Variants in ACAD11 observed in about 807,000 individuals in gnomAD.
The protein encoded by ACAD11 is acyl-CoA dehydrogenase family member 11.
Under a neutral mutation model 102.2 loss-of-function variants are expected in ACAD11, and 83 were observed. The observed-to-expected ratio is 0.81, with a 90% confidence interval of 0.68 to 0.97. The LOEUF (loss-of-function observed/expected upper bound fraction) is 0.97, where lower values mean the gene tolerates loss of function less well. Ranked by LOEUF, ACAD11 falls within the 50% of genes least tolerant of loss-of-function variation. ACAD11 has a pLI of 0.00. For missense variants in ACAD11, 901 were observed against 951.7 expected (o/e 0.95, Z 0.70); for synonymous variants, 324 against 319.8 (o/e 1.01, Z -0.14).
chr3:132,628,973 T>A (rs1367813623), intron 7 of ACAD11, among the ~76,000 whole-genome samples: 1 of 152,144 alleles, frequency 6.6e-6, no homozygotes, highest in Non-Finnish European at 1.5e-5. Context: ...CATAATAAAC[T>A]CCTTCCTCTT....
At chr3:132,568,184 G>A (rs1937267232) in intron 17 of ACAD11, among the ~76,000 whole-genome samples, 2 of 152,130 alleles carry the variant, frequency 1.3e-5, no homozygotes, top group African/African-American at 4.8e-5. Context: ...CCAAGATCAT[G>A]CAATTACACT....
chr3:132,612,155 G>GA (rs1277095356), intron 11 of ACAD11, among the ~76,000 whole-genome samples: 2 of 151,996 alleles, frequency 1.3e-5, no homozygotes, highest in Non-Finnish European at 2.9e-5. Flanking sequence ...ATGGTGCTGG[G>GA]AAAACTGGCT....
intron 13 of ACAD11, among the ~76,000 whole-genome samples, chr3:132,584,797 G>T (rs1937727684): frequency 1.3e-5 from 2 of 151,992 alleles, no homozygotes; most frequent in South Asian, 4.2e-4. Context: ...GGGACGTGAA[G>T]GACCTATTCA....
intron 13 of ACAD11, among the ~76,000 whole-genome samples, chr3:132,586,194 A>T (rs1027081164): frequency 6.6e-6 from 1 of 152,298 alleles, no homozygotes; most frequent in Admixed American, 6.5e-5. Context: ...CTTTGTAGGG[A>T]CATGGATGAA....
rs116626854 is a variant in ACAD11, at chr3:132,575,547, C to T, written c.2001+225G>A. 3.8e-3 allele frequency among the ~76,000 whole-genome samples: 573 copies of T among 152,296 alleles called. 3 individuals carry two copies. The highest frequency in any genetic ancestry group is 0.013 in the African/African-American group (550 of 41,564). On this transcript the variant is annotated intron_variant, in intron 17 of 19. Coordinates refer to ENST00000264990, the MANE Select transcript of ACAD11 (RefSeq NM_032169.5). ...CTGAGAAAGTTGAAGGAACTGTCTACACTCTTGTGTGCAGAGGTGTTGAAG... is the reference window on the plus strand; with the variant it reads ...CTGAGAAAGTTGAAGGAACTGTCTATACTCTTGTGTGCAGAGGTGTTGAAG...
intron 1 of ACAD11, among the ~76,000 whole-genome samples, chr3:132,651,410 G>A (rs74947843): frequency 0.014 from 2,148 of 152,246 alleles, 51 homozygotes; most frequent in African/African-American, 0.049. Context: ...AGGCCCATCA[G>A]TTCCTTGAAT....
At position 132,567,366 on chromosome 3, in the gene ACAD11, A is replaced by G. The variant is rs1464869326; in HGVS notation, c.2002-6149T>C. ...CTTGACTCAAACTGGTAAAATGATG[A>G]CACCAATAGACTTTAATAAGATCTA... is the stretch of plus-strand genomic sequence containing the variant. On this transcript the variant is annotated intron_variant, in intron 17 of 19. Transcript: ENST00000264990. Among the ~76,000 whole-genome samples, 3 of 152,302 alleles carry G rather than the reference A, an allele frequency of 2.0e-5. No homozygotes were observed. In the East Asian group the frequency reaches 5.8e-4, roughly 29 times the overall value.
Position 132,603,328 on chromosome 3 carries a change from C to T in ACAD11, c.1523-1G>A, listed in dbSNP as rs1313886423. The T allele has an allele frequency of 6.2e-7, 1 of 1,613,014 alleles. No homozygotes were observed. The highest frequency in any genetic ancestry group is 8.5e-7 in the Non-Finnish European group (1 of 1,179,382). On this transcript the variant is annotated splice_acceptor_variant, in intron 12 of 19. Transcript: ENST00000264990. LOFTEE classifies it high-confidence loss of function. ...GCATCACTTGAAGCTACATCAGGTT[C>T]TATAAATAAACAAAAGCTGAATTTA... is the stretch of plus-strand genomic sequence containing the variant.
chr3:132,579,486 A>C lies in ACAD11; in HGVS notation c.1688+6T>G. 6.2e-7 allele frequency: 1 copy of C among 1,610,564 alleles called. No individual in the cohort carries two copies. Among genetic ancestry groups the C allele is most frequent in the Non-Finnish European group, 8.5e-7 (1 of 1,177,494 alleles). On this transcript the variant is annotated splice_donor_region_variant and intron_variant, in intron 14 of 19. Coordinates refer to ENST00000264990, the MANE Select transcript of ACAD11 (RefSeq NM_032169.5). ...ACAGGTTTCTCAATCAGAATTGTTTAATTACCTGGAGAGAGAAGTATTTTG... is the reference window on the plus strand; with the variant it reads ...ACAGGTTTCTCAATCAGAATTGTTTCATTACCTGGAGAGAGAAGTATTTTG...
intron 9 of ACAD11, among the ~76,000 whole-genome samples, chr3:132,620,847 C>T (rs1183687121): frequency 1.3e-5 from 2 of 152,202 alleles, no homozygotes; most frequent in African/African-American, 4.8e-5. Context: ...AATGAACCTG[C>T]ACTTCTGTGT....
intron 1 of ACAD11, among the ~76,000 whole-genome samples, chr3:132,649,202 G>A (rs1172631142): frequency 1.3e-5 from 2 of 152,212 alleles, no homozygotes; most frequent in African/African-American, 4.8e-5. Flanking sequence ...CCGTCCCCCA[G>A]CCCGACACCC....
chr3:132,644,906 AG>A lies in ACAD11; in HGVS notation c.150-11del. On this transcript the variant is annotated splice_polypyrimidine_tract_variant and intron_variant, in intron 1 of 19. Transcript: ENST00000264990. Reference sequence around the variant, plus strand: ...ATTGGACTTTCCTGCTCTAGATAAAAGTAAAAAAAAAAAAGGTCAATTACAA... The same window carrying A: ...ATTGGACTTTCCTGCTCTAGATAAAATAAAAAAAAAAAAGGTCAATTACAA... 1 of 1,542,398 alleles carries A rather than the reference AG, an allele frequency of 6.5e-7. No individual in the cohort carries two copies. The highest frequency in any genetic ancestry group is 8.9e-7 in the Non-Finnish European group (1 of 1,128,792).
At chr3:132,611,462 T>C (rs1025631542) in intron 11 of ACAD11, among the ~76,000 whole-genome samples, 2 of 152,112 alleles carry the variant, frequency 1.3e-5, no homozygotes, top group Admixed American at 6.5e-5. Context: ...CATGAGTATA[T>C]ATCTAGAAAA....
At position 132,629,141 on chromosome 3, in the gene ACAD11, A is replaced by G. The variant is rs541526731; in HGVS notation, c.964-695T>C. 1.2e-4 allele frequency among the ~76,000 whole-genome samples: 19 copies of G among 152,270 alleles called. No individual in the cohort carries two copies. The South Asian group carries it at 3.9e-3, about 32-fold the overall frequency. On this transcript the variant is annotated intron_variant, in intron 7 of 19. Transcript: ENST00000264990. Reference sequence around the variant, plus strand: ...GACCATCTCCAAAGCTACTACATGTACAGTATATATAGTTTATGTTGTACA... The same window carrying G: ...GACCATCTCCAAAGCTACTACATGTGCAGTATATATAGTTTATGTTGTACA...
intron 13 of ACAD11, among the ~76,000 whole-genome samples, chr3:132,583,724 T>C (rs1370883121): frequency 1.3e-5 from 2 of 152,190 alleles, no homozygotes; most frequent in Non-Finnish European, 2.9e-5. Flanking sequence ...GCTTTGAATG[T>C]GTCCCAGAGA....
At chr3:132,601,804 C>T (rs1938616070) in intron 13 of ACAD11, 1 of 348,468 alleles carries the variant, frequency 2.9e-6, no homozygotes, top group Non-Finnish European at 5.7e-6. Context: ...TATATACACA[C>T]ATTGTACCAA....
At chr3:132,622,628 T>C (rs961712648) in intron 9 of ACAD11, among the ~76,000 whole-genome samples, 3 of 152,322 alleles carry the variant, frequency 2.0e-5, no homozygotes, top group Middle Eastern at 3.4e-3. Flanking sequence ...TGTGGCACGG[T>C]AGGACTCAAA....
At chr3:132,642,207 C>A in intron 3 of ACAD11, 74 bp from the exon 4 acceptor site, 1 of 1,346,252 alleles carries the variant, frequency 7.4e-7, no homozygotes, top group Non-Finnish European at 1.0e-6. Context: ...GAAAAACATT[C>A]ATTTGTGAAA....
At chr3:132,618,923 C>G in intron 10 of ACAD11, 151 bp from the exon 11 acceptor site, 1 of 630,414 alleles carries the variant, frequency 1.6e-6, no homozygotes, top group Non-Finnish European at 2.4e-6. Flanking sequence ...GTGAGCAAAA[C>G]CAAGTTCTTA....
Sources: gnomAD v4.1 joint callset for allele counts (sites outside exome capture counted in the v4.1 genomes callset) on GRCh38, gnomAD v4.1.1 for gene constraint, MANE v1.5 for transcripts, NCBI Gene and HGNC (gene_info 2026-07-23, HGNC 2026-07-21) for gene names.